The following ACAP3 variants were observed in gnomAD, a reference collection of about 807,000 sequenced individuals.
ACAP3 encodes the protein arf-GAP with coiled-coil, ANK repeat and PH domain-containing protein 3.
A neutral mutation model predicts 104.1 loss-of-function variants in ACAP3; 56 were observed. The observed-to-expected ratio is 0.54, with a 90% CI of 0.43 to 0.67. The LOEUF (loss-of-function observed/expected upper bound fraction) is 0.67, where lower values mean the gene tolerates loss of function less well. Ranked by LOEUF, ACAP3 falls within the 30% of genes least tolerant of loss-of-function variation. The pLI is 0.00. For missense variants in ACAP3, 1,208 were observed against 1,174.9 expected, an observed-to-expected ratio of 1.03 and a Z score of -0.41; for synonymous variants, 628 against 496.2, an observed-to-expected ratio of 1.27 and a Z score of -3.53.
rs887390362 is a variant in ACAP3 at position 1,298,304 on chromosome 1, A to G, written c.915+66T>C. 5.0e-6 allele frequency: 8 copies of G among 1,601,338 alleles called. No individual in the cohort carries two copies. The African/African-American group carries it at 9.4e-5, about 19-fold the overall frequency. On this transcript the variant is annotated intron_variant, in intron 12 of 23. Coordinates refer to ENST00000354700, the MANE Select transcript of ACAP3 (RefSeq NM_030649.3). ...GGCCCTGTGCTAACCCCAACTGACC[A>G]GTCTGCCCTGTGGCCCAGGTGGGGC...
intron 14 of ACAP3, 145 bp downstream of exon 14, chr1:1,297,677 C>T: frequency 5.1e-6 from 3 of 587,864 alleles, no homozygotes; most frequent in Non-Finnish European, 7.5e-6. Flanking sequence ...GGGGCAGGGG[C>T]CATCCCCGGT....
At position 1,295,829 on chromosome 1, in the gene ACAP3, A is replaced by G; in HGVS notation, c.1612T>C (p.Cys538Arg). The change falls in exon 18 of 24, where the codon TGC becomes CGC. Residue 538 changes from cysteine (C) to arginine (R), a missense_variant. Physicochemically the swap from Cys to Arg is radical, Grantham distance 180. Transcript: ENST00000354700. ...CGGGGAGAGCTGTGGGGCCGCAGGC[A>G]CTTCTGCACCCTCCAGCGTCTTGGG... ...EAPRRWRVQK[C>R]LRPHSSPRAP... is the part of the protein sequence containing the mutation. 1 of 1,611,150 alleles carries G rather than the reference A, an allele frequency of 6.2e-7. No individual in the cohort carries two copies. Among genetic ancestry groups the G allele is most frequent in the Non-Finnish European group, 8.5e-7 (1 of 1,179,920 alleles).
intron 1 of ACAP3, among the ~76,000 whole-genome samples, chr1:1,306,816 T>A (rs954873948): frequency 6.6e-6 from 1 of 152,192 alleles, no homozygotes; most frequent in Admixed American, 6.5e-5. Flanking sequence ...GGAACACGCG[T>A]GTACAAGGTG....
intron 1 of ACAP3, 133 bp downstream of exon 1, chr1:1,307,636 G>C (rs1198734228): frequency 1.0e-6 from 1 of 959,528 alleles, no homozygotes; most frequent in African/African-American, 1.8e-5. Flanking sequence ...CGCTTTGTCC[G>C]AGGCCGGTCC....
At chr1:1,307,603 G>C (rs2887285) in intron 1 of ACAP3, among the ~76,000 whole-genome samples, 166 bp downstream of exon 1, 1 of 151,950 alleles carries the variant, frequency 6.6e-6, no homozygotes, top group Non-Finnish European at 1.5e-5. Flanking sequence ...TCCAACCCCC[G>C]GGGCATGGCG....
rs907784383 is a variant in ACAP3, at chr1:1,294,823, G to T, written c.1814-7C>A. The T allele has an allele frequency of 6.5e-5, 101 of 1,549,516 alleles. No individual in the cohort carries two copies. The highest frequency in any genetic ancestry group is 8.6e-5 in the Non-Finnish European group (99 of 1,146,614). ...CCACTGTCGCTACTCAGACCTGCAG[G>T]TCCGCAGGGAAGGGGGTCCTGAGGG... On this transcript the variant is annotated splice_region_variant and splice_polypyrimidine_tract_variant and intron_variant, in intron 19 of 23. Coordinates refer to ENST00000354700, the MANE Select transcript of ACAP3 (RefSeq NM_030649.3).
In ACAP3 at chr1:1,297,850, C is replaced by A. The variant is rs538059849; in HGVS notation, c.1100G>T (p.Arg367Leu). 6.2e-7 allele frequency: 1 copy of A among 1,611,722 alleles called. No individual in the cohort carries two copies. Among genetic ancestry groups the A allele is most frequent in the Non-Finnish European group, 8.5e-7 (1 of 1,179,326 alleles). The change falls in exon 14 of 24, where the codon CGC becomes CTC. Residue 367 changes from arginine to leucine, a missense_variant. By Grantham distance (102) the Arg-to-Leu change is moderately radical. Transcript: ENST00000354700. Reference protein sequence around the residue: ...AVQASIASAYRESPDSCYSER... With the variant: ...AVQASIASAYLESPDSCYSER... Reference sequence around the variant, plus strand: ...GCTATAGCAACTGTCAGGGCTCTCGCGGTAGGCGGAGGCGATGCTGGCCTG... The same window carrying A: ...GCTATAGCAACTGTCAGGGCTCTCGAGGTAGGCGGAGGCGATGCTGGCCTG...
Position 1,303,088 on chromosome 1 carries a change from C to T in ACAP3, c.225+74G>A, listed in dbSNP as rs772379109. On this transcript the variant is annotated intron_variant, in intron 3 of 23. Transcript: ENST00000354700. The surrounding 1 kb of genome is among the most constrained non-coding windows in gnomAD (Gnocchi z 4.0). ...GACACCGGCCTGCTTCTGGCCTGGA[C>T]GCCCTCAAGGGGCTGCCTCCCTCGG... is the stretch of plus-strand genomic sequence containing the variant. 2.8e-5 allele frequency: 43 copies of T among 1,552,894 alleles called. No homozygotes were observed. Among genetic ancestry groups the T allele is most frequent in the African/African-American group, 2.5e-4 (18 of 73,382 alleles).
intron 18 of ACAP3, 29 bp from the exon 19 acceptor site, chr1:1,295,583 G>A: frequency 3.1e-6 from 5 of 1,605,690 alleles, no homozygotes; most frequent in Non-Finnish European, 4.3e-6. Flanking sequence ...TTCAGAGTGT[G>A]GAACAGGCCC....
chr1:1,296,878 C>T (rs1437121949), intron 14 of ACAP3, among the ~76,000 whole-genome samples: 3 of 152,188 alleles, frequency 2.0e-5, no homozygotes, highest in Non-Finnish European at 4.4e-5. Context: ...CGCCCGCACA[C>T]GCACGTACGT....
chr1:1,299,617 G>A (rs1489583090), intron 9 of ACAP3: 17 of 711,172 alleles, frequency 2.4e-5, no homozygotes, highest in South Asian at 5.9e-5. Context: ...GGTGACCACC[G>A]CCTCAAAAGG....
chr1:1,298,630 C>G lies in ACAP3; in HGVS notation c.800G>C (p.Ser267Thr). ...GAGGTAGCCCTCCATCACCACCCCACTGGGCGCGTCCACGTCAAACTCCAC... is the reference window on the plus strand; with the variant it reads ...GAGGTAGCCCTCCATCACCACCCCAGTGGGCGCGTCCACGTCAAACTCCAC... ...SKVEFDVDAPSGVVMEGYLFK... is the reference protein window; with the variant it reads ...SKVEFDVDAPTGVVMEGYLFK... Residue 267 changes from serine to threonine, a missense_variant, in exon 11 of 24, where the codon AGT (serine) becomes ACT (threonine). By Grantham distance (58) the Ser-to-Thr change is moderately conservative. Coordinates refer to ENST00000354700, the MANE Select transcript of ACAP3 (RefSeq NM_030649.3). 1 of 1,612,470 alleles carries G rather than the reference C, an allele frequency of 6.2e-7. No individual in the cohort carries two copies. The highest frequency in any genetic ancestry group is 8.5e-7 in the Non-Finnish European group (1 of 1,179,826).
Position 1,300,695 on chromosome 1 carries a change from GGAGGCCAA to G in ACAP3, c.339-11_339-4del, listed in dbSNP as rs1641404766. The G allele has an allele frequency of 6.2e-7, 1 of 1,606,674 alleles. No individual in the cohort carries two copies. The highest frequency in any genetic ancestry group is 2.3e-5 in the East Asian group (1 of 44,428). On this transcript the variant is annotated splice_region_variant and splice_polypyrimidine_tract_variant and intron_variant, in intron 5 of 23. Coordinates refer to ENST00000354700, the MANE Select transcript of ACAP3 (RefSeq NM_030649.3). ...TCTCCTTGAACTTCCGCACATCCCT[GGAGGCCAA>G]GTGCCAGGTGGGGTGAGAGATCAGG...
intron 19 of ACAP3, 71 bp from the exon 20 acceptor site, chr1:1,294,887 C>A: frequency 6.8e-7 from 1 of 1,481,464 alleles, no homozygotes. Context: ...TGGGGCAAGG[C>A]TGGAACTCCA....
intron 1 of ACAP3, 79 bp downstream of exon 1, chr1:1,307,690 T>G: frequency 9.6e-7 from 1 of 1,042,020 alleles, no homozygotes; most frequent in Non-Finnish European, 1.2e-6. Context: ...GGCGCTGACC[T>G]CCCCACCCCG....
At position 1,298,568 on chromosome 1, in the gene ACAP3, G is replaced by T; in HGVS notation, c.862C>A (p.Arg288=). The part of the protein sequence containing the change: ...RASNAFKTWN[R]RWFSIQNSQL... ...CCCCACCTGAGGAAGGCCTCTCACCGGTTCCATGTCTTGAAAGCGTTGCTG... is the reference window on the plus strand; with the variant it reads ...CCCCACCTGAGGAAGGCCTCTCACCTGTTCCATGTCTTGAAAGCGTTGCTG... Residue 288 remains arginine, a splice_region_variant and synonymous_variant, in exon 11 of 24, where the codon CGG becomes AGG. Coordinates refer to ENST00000354700, the MANE Select transcript of ACAP3 (RefSeq NM_030649.3). 7.9e-7 allele frequency: 1 copy of T among 1,265,378 alleles called. No individual in the cohort carries two copies. Among genetic ancestry groups the T allele is most frequent in the Non-Finnish European group, 1.1e-6 (1 of 942,232 alleles). The allele number at this position is 1,265,378 out of a possible 1,614,324, so 78.4% of individuals were successfully genotyped here. A position where few individuals can be genotyped will look rare whatever the true frequency, so the allele number is the denominator to read the frequency against.
chr1:1,298,452 G>A (rs1314283811), intron 11 of ACAP3, 31 bp from the exon 12 acceptor site: 1 of 1,595,944 alleles, frequency 6.3e-7, no homozygotes, highest in Non-Finnish European at 8.5e-7. Context: ...GGGGAGTCAG[G>A]CGGGGCCCAT....
At position 1,300,023 on chromosome 1, in the gene ACAP3, A is replaced by G; in HGVS notation, c.613T>C (p.Tyr205His). 1 of 1,612,506 alleles carries G rather than the reference A, an allele frequency of 6.2e-7. No individual in the cohort carries two copies. The highest frequency in any genetic ancestry group is 8.5e-7 in the Non-Finnish European group (1 of 1,179,840). The change falls in exon 8 of 24, where the codon TAC becomes CAC. Residue 205 changes from tyrosine (Y) to histidine (H), a missense_variant. Tyr to His is a moderately conservative substitution (Grantham distance 83). Coordinates refer to ENST00000354700, the MANE Select transcript of ACAP3 (RefSeq NM_030649.3). ...GGGTCCAGCTGGTGCAGGAGGCTGT[A>G]GCCCTGCTGGAAGAAGCTGGACTGG... ...HAQSSFFQQG[Y>H]SLLHQLDPYM... is the part of the protein sequence containing the mutation.
In ACAP3 at chr1:1,296,048, G is replaced by A. The variant is rs767544496; in HGVS notation, c.1469C>T (p.Ala490Val). ...NQIYEAQCEGAGSRKPTASSS... is the reference protein window; with the variant it reads ...NQIYEAQCEGVGSRKPTASSS... ...GCTGGCTGTGGGTTTCCTGCTGCCT[G>A]CACCCTCACACTGGGCCTCATAGAT... Residue 490 changes from alanine (A) to valine (V), a missense_variant, in exon 17 of 24, where the codon GCA (alanine) becomes GTA (valine). Transcript: ENST00000354700. 8.1e-6 allele frequency: 13 copies of A among 1,612,814 alleles called. No homozygotes were observed. The highest frequency in any genetic ancestry group is 3.3e-4 in the Middle Eastern group (2 of 6,060).
Sources: gnomAD v4.1 joint callset for allele counts (sites outside exome capture counted in the v4.1 genomes callset) on GRCh38, gnomAD v4.1.1 for gene constraint, Gnocchi (gnomAD v3.1) non-coding constraint, MANE v1.5 for transcripts, NCBI Gene and HGNC (gene_info 2026-07-23, HGNC 2026-07-21) for gene names.